Variants in FOCAD observed in about 807,000 individuals in gnomAD.
FOCAD encodes KIAA1797.
In FOCAD, 198 loss-of-function variants were observed where a neutral mutation model predicts 225.6. The ratio of observed to expected loss-of-function variants is 0.88; its 90% CI spans 0.78 to 0.99. FOCAD has a LOEUF of 0.99. Among genes scored for constraint, FOCAD ranks in the 50% least tolerant of loss-of-function variants. The probability of loss-of-function intolerance (pLI) is 0.00; values close to 1 mark genes in which losing one functional copy is unlikely to be tolerated. For synonymous variants in FOCAD, 897 were observed against 755.0 expected, an observed-to-expected ratio of 1.19 and a Z score of -3.08; for missense variants, 2,713 against 2,123.6, an observed-to-expected ratio of 1.28 and a Z score of -5.46.
chr9:20,935,066 G>C (rs1461380275), intron 28 of FOCAD, among the ~76,000 whole-genome samples: 2 of 152,102 alleles, frequency 1.3e-5, no homozygotes, highest in East Asian at 1.9e-4. Context: ...TACACATTCA[G>C]TGCAGTTCTC....
intron 15 of FOCAD, among the ~76,000 whole-genome samples, chr9:20,826,237 G>C (rs776588483): frequency 2.0e-5 from 3 of 152,076 alleles, no homozygotes; most frequent in Non-Finnish European, 4.4e-5. Context: ...CTCAAACTGG[G>C]AGTGTAGCAT....
At chr9:20,721,005 GT>G (rs1825728259) in intron 4 of FOCAD, among the ~76,000 whole-genome samples, 1 of 152,154 alleles carries the variant, frequency 6.6e-6, no homozygotes, top group South Asian at 2.1e-4. Context: ...ATTTTTCAAA[GT>G]TAATAATGTT....
upstream of FOCAD, chr9:20,683,967 C>G (rs1020489419): frequency 1.3e-5 from 2 of 152,314 alleles, no homozygotes; most frequent in African/African-American, 4.8e-5. Context: ...TAGGCAGTTT[C>G]CTTTAATCTG....
rs928248139 is a variant in FOCAD, at chr9:20,911,756, C to T, written c.2719-1110C>T. Among the ~76,000 whole-genome samples the T allele has an allele frequency of 3.9e-5, 6 of 152,164 alleles. No individual in the cohort carries two copies. In the South Asian group the frequency reaches 6.2e-4, roughly 16 times the overall value. The stretch of plus-strand genomic sequence containing the variant: ...CCAGTAGGTGTAAATGGCATTAGGC[C>T]GAGGCATTCTGAGCCCATGTCCTTA... On this transcript the variant is annotated intron_variant, in intron 22 of 43. Coordinates refer to ENST00000338382, the MANE Select transcript of FOCAD (RefSeq NM_001375567.1).
intron 11 of FOCAD, among the ~76,000 whole-genome samples, chr9:20,800,450 C>G (rs1369762299): frequency 6.6e-6 from 1 of 152,104 alleles, no homozygotes; most frequent in Admixed American, 6.5e-5. Flanking sequence ...TGTTTTCCAA[C>G]TTGGTTCCAT....
intron 2 of FOCAD, chr9:20,716,105 T>C (rs140761798): frequency 5.9e-5 from 28 of 471,806 alleles, no homozygotes; most frequent in Middle Eastern, 3.5e-4. Context: ...GCTGTGGGAA[T>C]TGACTTAGCT....
chr9:20,980,989 G>A (rs1040795123), intron 37 of FOCAD, among the ~76,000 whole-genome samples: 1 of 152,270 alleles, frequency 6.6e-6, no homozygotes, highest in South Asian at 2.1e-4. Flanking sequence ...CTCAGAAGAA[G>A]AAATTAATAG....
intron 11 of FOCAD, among the ~76,000 whole-genome samples, chr9:20,802,367 G>T (rs1220632767): frequency 2.0e-5 from 3 of 152,058 alleles, no homozygotes; most frequent in African/African-American, 2.4e-5. Context: ...GAGAAGTAAG[G>T]ACAAAGTGTC....
At chr9:20,731,722 A>G (rs904438426) in intron 4 of FOCAD, among the ~76,000 whole-genome samples, 13 of 152,028 alleles carry the variant, frequency 8.6e-5, no homozygotes, top group Admixed American at 3.3e-4. Flanking sequence ...GGTTCAAGCG[A>G]TTCTCCTGCC....
At chr9:20,992,399 G>A (rs1841746546) in intron 42 of FOCAD, among the ~76,000 whole-genome samples, 1 of 152,154 alleles carries the variant, frequency 6.6e-6, no homozygotes, top group African/African-American at 2.4e-5. Context: ...AGAAATGGGG[G>A]CTTATATCTG....
rs1255527027 is a variant in FOCAD, at chr9:20,740,286, C to T, written c.338C>T (p.Ala113Val). Residue 113 changes from alanine (A) to valine (V), a missense_variant, in exon 5 of 44, where the codon GCT (alanine) becomes GTT (valine). By Grantham distance (64) the Ala-to-Val change is moderately conservative (BLOSUM62 0). Coordinates refer to ENST00000338382, the MANE Select transcript of FOCAD (RefSeq NM_001375567.1). ...KAIMHLLQMQ[A>V]LKEGQGGEKN... ...ATTATGCACTTACTACAAATGCAAG[C>T]TCTTAAGGAAGGACAAGGTGGGGAA... is the stretch of plus-strand genomic sequence containing the variant. The T allele has an allele frequency of 1.2e-6, 2 of 1,611,880 alleles. No homozygotes were observed. The highest frequency in any genetic ancestry group is 2.7e-5 in the African/African-American group (2 of 74,754).
chr9:20,799,735 G>A (rs1821574780), intron 11 of FOCAD, among the ~76,000 whole-genome samples: 2 of 152,016 alleles, frequency 1.3e-5, no homozygotes, highest in East Asian at 3.9e-4. Context: ...TTGAGCCTAT[G>A]TTTGTCTGTG....
chr9:20,860,339 G>T (rs111624979), intron 15 of FOCAD, among the ~76,000 whole-genome samples: 1 of 152,024 alleles, frequency 6.6e-6, no homozygotes, highest in African/African-American at 2.4e-5. Flanking sequence ...CCAAGACTGC[G>T]CAATTTACAA....
intron 2 of FOCAD, among the ~76,000 whole-genome samples, chr9:20,676,863 A>G (rs924714740): frequency 6.6e-6 from 1 of 152,210 alleles, no homozygotes; most frequent in African/African-American, 2.4e-5. Flanking sequence ...TTTTGATAAT[A>G]CTATTTAAGA....
chr9:20,752,634 C>T (rs1048116818), intron 5 of FOCAD, among the ~76,000 whole-genome samples: 23 of 151,964 alleles, frequency 1.5e-4, no homozygotes, highest in East Asian at 5.8e-4. Context: ...ATTGACTCGG[C>T]GATGCGGGCT....
chr9:20,929,365 A>G lies in FOCAD; in HGVS notation c.3086A>G (p.Tyr1029Cys), dbSNP rs753565329. ...QLLSWFYYKS[Y>C]SGENTASAIA... Reference sequence around the variant, plus strand: ...TTCTTTGGCATGTCCTAGAAGTCCTATTCTGGTGAAAACACAGCTAGTGCC... The same window carrying G: ...TTCTTTGGCATGTCCTAGAAGTCCTGTTCTGGTGAAAACACAGCTAGTGCC... The change falls in exon 27 of 44, where the codon TAT becomes TGT. Residue 1029 changes from tyrosine (Y) to cysteine (C), a missense_variant. Physicochemically the swap from Tyr to Cys is radical, Grantham distance 194. Transcript: ENST00000338382. 1.9e-6 allele frequency: 3 copies of G among 1,613,776 alleles called. No individual in the cohort carries two copies. Among genetic ancestry groups the G allele is most frequent in the African/African-American group, 1.3e-5 (1 of 74,884 alleles).
At chr9:20,918,117 A>C (rs897728611) in intron 24 of FOCAD, among the ~76,000 whole-genome samples, 1 of 152,240 alleles carries the variant, frequency 6.6e-6, no homozygotes, top group South Asian at 2.1e-4. Flanking sequence ...TGCTGGGATG[A>C]GAATGCAGGC....
At position 20,770,099 on chromosome 9, in the gene FOCAD, G is replaced by C. The variant is rs753793211; in HGVS notation, c.767G>C (p.Arg256Pro). ...FIEEVCLSLLRHPVFWKIQLT... is the reference protein window; with the variant it reads ...FIEEVCLSLLPHPVFWKIQLT... ...GAGGAAGTATGTTTAAGCCTTTTGC[G>C]TCATCCTGTTTTCTGGAAAATTCAG... Residue 256 changes from arginine to proline, a missense_variant, in exon 8 of 44, where the codon CGT becomes CCT. Coordinates refer to ENST00000338382, the MANE Select transcript of FOCAD (RefSeq NM_001375567.1). 11 of 1,613,904 alleles carry C rather than the reference G, an allele frequency of 6.8e-6. No individual in the cohort carries two copies. The highest frequency in any genetic ancestry group is 1.3e-5 in the African/African-American group (1 of 74,898).
At chr9:20,948,039 CA>C (rs993523126) in intron 30 of FOCAD, among the ~76,000 whole-genome samples, 1 of 151,886 alleles carries the variant, frequency 6.6e-6, no homozygotes, top group African/African-American at 2.4e-5. Flanking sequence ...ATAAATTACT[CA>C]CTGAAGCTGA....
Sources: allele counts gnomAD v4.1 joint callset (sites outside exome capture counted in the v4.1 genomes callset), GRCh38; gene constraint gnomAD v4.1.1; transcripts MANE v1.5; gene names NCBI Gene and HGNC (gene_info 2026-07-23, HGNC 2026-07-21).